USP54: variants seen among roughly 807,000 people sequenced by gnomAD.
USP54 encodes the protein ubiquitin carboxyl-terminal hydrolase 54.
In USP54, 87 loss-of-function variants were observed where a neutral mutation model predicts 170.5. The observed-to-expected ratio is 0.51, with a 90% CI of 0.43 to 0.61. The LOEUF (loss-of-function observed/expected upper bound fraction) is 0.61. Among genes scored for constraint, USP54 ranks in the 20% least tolerant of loss-of-function variants. The pLI is 0.00. For synonymous variants in USP54, 655 were observed against 742.8 expected (o/e 0.88, Z 1.92); for missense variants, 1,786 against 2,047.8 (o/e 0.87, Z 2.47).
chr10:73,598,010 C>T (rs891463829), intron 1 of USP54, among the ~76,000 whole-genome samples: 5 of 151,842 alleles, frequency 3.3e-5, no homozygotes, highest in African/African-American at 4.8e-5. Flanking sequence ...CCTGAATCCC[C>T]GGAGGCAGAG....
At chr10:73,515,254 C>T (rs970336308) in intron 20 of USP54, among the ~76,000 whole-genome samples, 8 of 151,854 alleles carry the variant, frequency 5.3e-5, no homozygotes, top group Admixed American at 5.3e-4. Context: ...ATCATACATG[C>T]CATTTTAGAG....
intron 1 of USP54, among the ~76,000 whole-genome samples, chr10:73,608,129 G>A (rs567905910): frequency 2.6e-5 from 4 of 151,486 alleles, no homozygotes; most frequent in African/African-American, 7.3e-5. Flanking sequence ...GCATGGTAGC[G>A]CGTGCCTGTG....
At chr10:73,521,660 T>C (rs1311598003) in intron 17 of USP54, among the ~76,000 whole-genome samples, 1 of 152,252 alleles carries the variant, frequency 6.6e-6, no homozygotes, top group Non-Finnish European at 1.5e-5. Context: ...GCAGTTGAAC[T>C]GCCTTCATTC....
intron 4 of USP54, among the ~76,000 whole-genome samples, chr10:73,547,569 A>C (rs1048534655): frequency 6.6e-6 from 1 of 152,198 alleles, no homozygotes; most frequent in Non-Finnish European, 1.5e-5. Flanking sequence ...AGGCCTCAGA[A>C]ATAATGCCAC....
intron 4 of USP54, among the ~76,000 whole-genome samples, chr10:73,546,018 A>T (rs1203569093): frequency 1.3e-5 from 2 of 152,222 alleles, no homozygotes; most frequent in East Asian, 3.8e-4. Flanking sequence ...ATTACACGTA[A>T]ACGTTATCAA....
At chr10:73,625,588 T>A (rs1333738049) in exon 1 of USP54, 2 of 152,498 alleles carry the variant, frequency 1.3e-5, no homozygotes, top group Non-Finnish European at 2.9e-5. Context: ...CTGTACCCCA[T>A]TTCTTCCCAC....
At chr10:73,622,487 C>A (rs944077689) in intron 1 of USP54, among the ~76,000 whole-genome samples, 5 of 151,936 alleles carry the variant, frequency 3.3e-5, no homozygotes, top group African/African-American at 1.2e-4. Context: ...CCATGCCCAG[C>A]TAATTTTTGT....
At chr10:73,623,087 A>G (rs1437212010) in intron 1 of USP54, among the ~76,000 whole-genome samples, 1 of 152,190 alleles carries the variant, frequency 6.6e-6, no homozygotes, top group Non-Finnish European at 1.5e-5. Context: ...GTAATTTTGA[A>G]AACTCTTAGG....
intron 4 of USP54, among the ~76,000 whole-genome samples, chr10:73,548,478 A>C (rs1024839667): frequency 1.3e-5 from 2 of 152,282 alleles, no homozygotes; most frequent in African/African-American, 4.8e-5. Context: ...TTGGAACCAA[A>C]CCAAATGTCC....
At chr10:73,575,368 A>C (rs1202081063) in intron 3 of USP54, 144 bp downstream of exon 3, 2 of 965,064 alleles carry the variant, frequency 2.1e-6, no homozygotes, top group African/African-American at 3.3e-5. Context: ...CTTGCCAAAG[A>C]TCACACAGAT....
At chr10:73,512,516 T>C (rs2060374229) in intron 20 of USP54, among the ~76,000 whole-genome samples, 1 of 152,048 alleles carries the variant, frequency 6.6e-6, no homozygotes, top group Admixed American at 6.6e-5. Flanking sequence ...ATTTTACTTT[T>C]TTTTTTTAAG....
intron 1 of USP54, among the ~76,000 whole-genome samples, chr10:73,619,262 T>C (rs1194062015): frequency 1.3e-5 from 2 of 150,088 alleles, no homozygotes; most frequent in African/African-American, 5.1e-5. Context: ...GAGTGTCTGT[T>C]AGTTACTCAG....
intron 9 of USP54, 75 bp from the exon 10 acceptor site, chr10:73,539,668 C>T: frequency 7.0e-7 from 1 of 1,425,842 alleles, no homozygotes; most frequent in Non-Finnish European, 9.4e-7. Context: ...CAGACTCCAC[C>T]AGCATTTCTT....
chr10:73,556,639 C>T (rs972777116), intron 4 of USP54, among the ~76,000 whole-genome samples: 199 of 152,222 alleles, frequency 1.3e-3, no homozygotes, highest in African/African-American at 4.6e-3. Context: ...CCACCGCGCC[C>T]GGGCTGAGTA....
At chr10:73,504,809 G>C (rs749893126) in intron 22 of USP54, 41 bp downstream of exon 22, 11 of 1,613,560 alleles carry the variant, frequency 6.8e-6, no homozygotes, top group Admixed American at 1.7e-5. Context: ...GCTTAGCAAG[G>C]AGGAGGGTGC....
intron 1 of USP54, among the ~76,000 whole-genome samples, chr10:73,597,560 A>G (rs1302919127): frequency 6.6e-6 from 1 of 152,140 alleles, no homozygotes; most frequent in Non-Finnish European, 1.5e-5. Context: ...CTAAGCAATC[A>G]ACACTCCCCA....
At chr10:73,507,694 A>AT (rs1199014238) in intron 20 of USP54, among the ~76,000 whole-genome samples, 1 of 150,494 alleles carries the variant, frequency 6.6e-6, no homozygotes, top group Non-Finnish European at 1.5e-5. Flanking sequence ...AAAAAAAAAA[A>AT]ATTACAGCTA....
At chr10:73,592,517 C>G (rs1302175911), upstream of USP54, among the ~76,000 whole-genome samples, 1 of 150,484 alleles carries the variant, frequency 6.6e-6, no homozygotes, top group African/African-American at 2.4e-5. Context: ...TCTTGTTAAC[C>G]ATTAGCATTC....
chr10:73,541,265 A>T (rs2066544042), intron 9 of USP54, 110 bp downstream of exon 9: 33 of 1,478,404 alleles, frequency 2.2e-5, no homozygotes, highest in Non-Finnish European at 2.9e-5. Flanking sequence ...TGTCCAAAAC[A>T]TTATAATACT....
Sources: allele counts gnomAD v4.1 joint callset (sites outside exome capture counted in the v4.1 genomes callset), GRCh38; gene constraint gnomAD v4.1.1; transcripts MANE v1.5; gene names NCBI Gene and HGNC (gene_info 2026-07-23, HGNC 2026-07-21).